KCNH7: variants seen among roughly 807,000 people sequenced by gnomAD.
The protein encoded by KCNH7 is potassium voltage-gated channel subfamily H member 7.
In KCNH7, 49 loss-of-function variants were observed where a neutral mutation model predicts 120.8. The ratio of observed to expected loss-of-function variants is 0.41; its 90% confidence interval spans 0.32 to 0.51. The LOEUF is 0.51. Among genes scored for constraint, KCNH7 ranks in the 20% least tolerant of loss-of-function variants. The pLI, the probability that KCNH7 is intolerant of heterozygous loss-of-function variation, is 0.38. For synonymous variants in KCNH7, 547 were observed against 516.1 expected, an observed-to-expected ratio of 1.06 and a Z score of -0.81; for missense variants, 1,097 against 1,446.6, an observed-to-expected ratio of 0.76 and a Z score of 3.92.
chr2:162,600,818 G>A (rs1238526376), intron 2 of KCNH7, among the ~76,000 whole-genome samples: 2 of 152,020 alleles, frequency 1.3e-5, no homozygotes, highest in African/African-American at 4.8e-5. Flanking sequence ...GCCTAGATCA[G>A]GTATGGCAGG....
chr2:162,395,727 A>G (rs915235434), intron 11 of KCNH7, among the ~76,000 whole-genome samples: 9 of 151,802 alleles, frequency 5.9e-5, no homozygotes, highest in African/African-American at 2.2e-4. Flanking sequence ...TTAAAAAGAA[A>G]TAATTATCTG....
At chr2:162,803,774 C>T (rs1184826939) in intron 2 of KCNH7, among the ~76,000 whole-genome samples, 2 of 151,654 alleles carry the variant, frequency 1.3e-5, no homozygotes, top group Admixed American at 6.6e-5. Context: ...TTTATTGAAA[C>T]TTGGAGTTTG....
intron 2 of KCNH7, among the ~76,000 whole-genome samples, chr2:162,629,147 C>T (rs1683667954): frequency 6.6e-6 from 1 of 152,134 alleles, no homozygotes; most frequent in Non-Finnish European, 1.5e-5. Context: ...TCTTACCTCA[C>T]TAGTGGGCTG....
chr2:162,771,489 C>T (rs1210822860), intron 2 of KCNH7, among the ~76,000 whole-genome samples: 1 of 151,962 alleles, frequency 6.6e-6, no homozygotes, highest in African/African-American at 2.4e-5. Context: ...ACCTGGTTGC[C>T]CCTTTCTCTG....
intron 6 of KCNH7, among the ~76,000 whole-genome samples, chr2:162,500,507 A>G (rs1574034176): frequency 6.6e-6 from 1 of 151,842 alleles, no homozygotes; most frequent in East Asian, 1.9e-4. Context: ...GAGGTAAATA[A>G]CTAATTGCCT....
chr2:162,516,404 C>T (rs566242738), intron 4 of KCNH7, among the ~76,000 whole-genome samples: 1 of 151,662 alleles, frequency 6.6e-6, no homozygotes, highest in South Asian at 2.1e-4. Flanking sequence ...GAAGAGTATT[C>T]CAGGAATAAC....
intron 6 of KCNH7, among the ~76,000 whole-genome samples, chr2:162,489,317 G>T (rs1305083737): frequency 2.0e-5 from 3 of 152,168 alleles, no homozygotes; most frequent in Admixed American, 1.3e-4. Flanking sequence ...ACTGGAAGAA[G>T]AATAATTGTT....
chr2:162,394,321 G>T, intron 12 of KCNH7, 68 bp downstream of exon 12: 1 of 915,520 alleles, frequency 1.1e-6, no homozygotes, highest in South Asian at 1.3e-5. Context: ...GAAGTAAAAT[G>T]AACATTTAAG....
intron 2 of KCNH7, among the ~76,000 whole-genome samples, chr2:162,691,484 C>A (rs977597919): frequency 6.6e-6 from 1 of 151,894 alleles, no homozygotes; most frequent in African/African-American, 2.4e-5. Flanking sequence ...ACTTCTCTTA[C>A]GAAAAATTTT....
intron 2 of KCNH7, among the ~76,000 whole-genome samples, chr2:162,584,806 G>A (rs796697313): frequency 3.3e-5 from 5 of 151,150 alleles, no homozygotes; most frequent in African/African-American, 1.2e-4. Context: ...CATGGGATGA[G>A]CATGAGGCCT....
At chr2:162,457,173 A>T (rs1202657264) in intron 6 of KCNH7, among the ~76,000 whole-genome samples, 1 of 152,132 alleles carries the variant, frequency 6.6e-6, no homozygotes, top group Non-Finnish European at 1.5e-5. Context: ...CATGAATAGG[A>T]TTCTAAGAAG....
intron 2 of KCNH7, among the ~76,000 whole-genome samples, chr2:162,672,106 G>A (rs1685381768): frequency 6.6e-6 from 1 of 151,936 alleles, no homozygotes; most frequent in African/African-American, 2.4e-5. Context: ...TATCGTTGTG[G>A]GAGATTTTCC....
chr2:162,587,579 AC>A (rs1329162713), intron 2 of KCNH7, among the ~76,000 whole-genome samples: 1 of 151,970 alleles, frequency 6.6e-6, no homozygotes, highest in African/African-American at 2.4e-5. Flanking sequence ...ATATTTAGTT[AC>A]ACACACACAC....
At chr2:162,572,978 C>T (rs1286085560) in intron 2 of KCNH7, among the ~76,000 whole-genome samples, 1 of 151,924 alleles carries the variant, frequency 6.6e-6, no homozygotes, top group African/African-American at 2.4e-5. Flanking sequence ...AGTGCACCAG[C>T]ATGGCACATG....
intron 2 of KCNH7, among the ~76,000 whole-genome samples, chr2:162,645,860 A>G (rs961955660): frequency 6.6e-6 from 1 of 152,052 alleles, no homozygotes; most frequent in Non-Finnish European, 1.5e-5. Context: ...AAGTTTTTAC[A>G]TTGCTGTCCA....
At chr2:162,567,282 C>T (rs994216414) in intron 2 of KCNH7, among the ~76,000 whole-genome samples, 1 of 151,876 alleles carries the variant, frequency 6.6e-6, no homozygotes, top group Non-Finnish European at 1.5e-5. Context: ...AAAAGAGATC[C>T]CTCTTTTTTA....
In KCNH7 at chr2:162,429,383, C is replaced by CTTTTTTTTTTTTT. The variant is rs60854157; in HGVS notation, c.1954+5802_1954+5814dup. 1.7e-3 allele frequency among the ~76,000 whole-genome samples: 147 copies of CTTTTTTTTTTTTT among 86,232 alleles called. 27 individuals carry two copies. The highest frequency in any genetic ancestry group is 8.8e-3 in the African/African-American group (141 of 15,968). 56.6% of individuals were successfully genotyped at this position (86,232 alleles called of 152,430 possible). A position where few individuals can be genotyped will look rare whatever the true frequency, so the allele number is the denominator to read the frequency against. On this transcript the variant is annotated intron_variant, in intron 8 of 15. Transcript: ENST00000332142. ...AGACATTTAGAAATGAGGAAAAAGT[C>CTTTTTTTTTTTTT]TTTTTTTTTTTTTTTTTTTTTTACT...
chr2:162,678,530 T>C (rs1685603275), intron 2 of KCNH7, among the ~76,000 whole-genome samples: 1 of 151,494 alleles, frequency 6.6e-6, no homozygotes, highest in Non-Finnish European at 1.5e-5. Flanking sequence ...AGTCTACCAA[T>C]AATCTCAGAA....
At chr2:162,704,592 T>C (rs1232409976) in intron 2 of KCNH7, among the ~76,000 whole-genome samples, 1 of 152,208 alleles carries the variant, frequency 6.6e-6, no homozygotes, top group Non-Finnish European at 1.5e-5. Flanking sequence ...AATCCACAGC[T>C]TTATCCAGCT....
Sources: allele counts gnomAD v4.1 joint callset (sites outside exome capture counted in the v4.1 genomes callset), GRCh38; gene constraint gnomAD v4.1.1; transcripts MANE v1.5; gene names NCBI Gene and HGNC (gene_info 2026-07-23, HGNC 2026-07-21).